Variants in KCNJ18 observed in about 807,000 individuals in gnomAD.
The protein encoded by KCNJ18 is inward rectifier potassium channel 18.
Under a neutral mutation model 17.3 loss-of-function variants are expected in KCNJ18, and 16 were observed. The ratio of observed to expected loss-of-function variants is 0.92; its 90% CI spans 0.62 to 1.40. The LOEUF (loss-of-function observed/expected upper bound fraction) is 1.40. Ranked by LOEUF, KCNJ18 falls within the 40% of genes most tolerant of loss-of-function variation. The pLI is 0.00. For missense variants in KCNJ18, 462 were observed against 626.8 expected (o/e 0.74, Z 2.81); for synonymous variants, 185 against 262.6 (o/e 0.70, Z 2.86).
At chr17:21,693,620 G>T (rs1382621418) in intron 1 of KCNJ18, among the ~76,000 whole-genome samples, 1 of 152,312 alleles carries the variant, frequency 6.6e-6, no homozygotes, top group Non-Finnish European at 1.5e-5. Context: ...CTCCTCCAAG[G>T]CAGGGCTGTG....
chr17:21,697,922 C>T (rs1476309762), intron 2 of KCNJ18, among the ~76,000 whole-genome samples: 211 of 152,056 alleles, frequency 1.4e-3, no homozygotes, highest in African/African-American at 4.9e-3. Flanking sequence ...CTGGAGCAGG[C>T]ACCTTGGGCG....
In KCNJ18 at chr17:21,704,105, A is replaced by C; in HGVS notation, c.*17A>C. 6.5e-7 allele frequency: 1 copy of C among 1,529,912 alleles called. No individual in the cohort carries two copies. Among genetic ancestry groups the C allele is most frequent in the Non-Finnish European group, 8.8e-7 (1 of 1,139,376 alleles). The allele number at this position is 1,529,912 out of a possible 1,614,324, so 94.8% of individuals were successfully genotyped here. A position where few individuals can be genotyped will look rare whatever the true frequency, so the allele number is the denominator to read the frequency against. ...GAGATCTGAGCCAACCTTGGCCGAC[A>C]TGCAGCATCCACCCCTGGCCGGGGA... On this transcript the variant is annotated 3_prime_UTR_variant, in exon 3 of 3. Coordinates refer to ENST00000567955, the MANE Select transcript of KCNJ18 (RefSeq NM_001194958.2).
At position 21,704,346 on chromosome 17, in the gene KCNJ18, G is replaced by T. The variant is rs1906094328; in HGVS notation, c.*258G>T. On this transcript the variant is annotated 3_prime_UTR_variant, in exon 3 of 3. Coordinates refer to ENST00000567955, the MANE Select transcript of KCNJ18 (RefSeq NM_001194958.2). ...GCCTCCTGGGGGGCCAGGCCACGGG[G>T]GCCAGGGCTTCTGCCTGAAGATGGA... is the stretch of plus-strand genomic sequence containing the variant. 4.2e-6 allele frequency: 2 copies of T among 473,402 alleles called. No homozygotes were observed. The highest frequency in any genetic ancestry group is 7.5e-6 in the Non-Finnish European group (2 of 268,198). The allele number at this position is 473,402 out of a possible 1,614,324, so 29.3% of individuals were successfully genotyped here.
In KCNJ18 at chr17:21,704,126, G is replaced by A. The variant is rs1257024638; in HGVS notation, c.*38G>A. 67 of 1,491,934 alleles carry A rather than the reference G, an allele frequency of 4.5e-5. No individual in the cohort carries two copies. The highest frequency in any genetic ancestry group is 5.6e-5 in the African/African-American group (4 of 71,426). The allele number at this position is 1,491,934 out of a possible 1,614,324, so 92.4% of individuals were successfully genotyped here. On this transcript the variant is annotated 3_prime_UTR_variant, in exon 3 of 3. Coordinates refer to ENST00000567955, the MANE Select transcript of KCNJ18 (RefSeq NM_001194958.2). ...CGACATGCAGCATCCACCCCTGGCC[G>A]GGGAGAGGCCCCGCGGTCGCTCAGG... is the stretch of plus-strand genomic sequence containing the variant.
In KCNJ18 at chr17:21,702,718, C is replaced by G. The variant is rs1468990774; in HGVS notation, c.-56-13C>G. ...CACCAGCCCAGCCAGACATGCTGTCCTCTCTGTTCCAGGAGCCGCCCTGCC... is the reference window on the plus strand; with the variant it reads ...CACCAGCCCAGCCAGACATGCTGTCGTCTCTGTTCCAGGAGCCGCCCTGCC... On this transcript the variant is annotated splice_polypyrimidine_tract_variant and intron_variant, in intron 2 of 2. Transcript: ENST00000567955. The G allele has an allele frequency of 0.011, 16,729 of 1,506,030 alleles. 113 individuals are homozygous for G. Among genetic ancestry groups the G allele is most frequent in the Non-Finnish European group, 0.013 (14,563 of 1,120,624 alleles). 93.3% of individuals were successfully genotyped at this position (1,506,030 alleles called of 1,614,324 possible).
chr17:21,703,168 C>T lies in KCNJ18; in HGVS notation c.382C>T (p.His128Tyr). Residue 128 changes from histidine to tyrosine, a missense_variant, in exon 3 of 3, where the codon CAC (histidine) becomes TAC (tyrosine). Transcript: ENST00000567955. ...HGRTPCVMQV[H>Y]GFMAAFLFSI... Reference sequence around the variant, plus strand: ...CCGCACACCCTGTGTGATGCAGGTGCACGGCTTCATGGCGGCCTTCCTCTT... The same window carrying T: ...CCGCACACCCTGTGTGATGCAGGTGTACGGCTTCATGGCGGCCTTCCTCTT... 1.9e-6 allele frequency: 3 copies of T among 1,610,376 alleles called. No individual in the cohort carries two copies. The South Asian group carries it at 3.3e-5, about 18-fold the overall frequency.
chr17:21,704,537 A>AAT lies in KCNJ18; in HGVS notation c.*450_*451insTA, dbSNP rs1555596866. 3.2e-3 allele frequency: 521 copies of AAT among 161,706 alleles called. 1 individual carries two copies. Among genetic ancestry groups the AAT allele is most frequent in the East Asian group, 4.0e-3 (21 of 5,260 alleles). 10.0% of individuals were successfully genotyped at this position (161,706 alleles called of 1,614,324 possible). On this transcript the variant is annotated 3_prime_UTR_variant, in exon 3 of 3. Coordinates refer to ENST00000567955, the MANE Select transcript of KCNJ18 (RefSeq NM_001194958.2). ...TGAGACTGTTTACAAAAAAAAAAAAAACCATGCAATTGGAGAAAAAAATTT... is the reference window on the plus strand; with the variant it reads ...TGAGACTGTTTACAAAAAAAAAAAAAATACCATGCAATTGGAGAAAAAAATTT...
chr17:21,701,934 A>G (rs1275848770), intron 2 of KCNJ18, among the ~76,000 whole-genome samples: 44 of 152,110 alleles, frequency 2.9e-4, no homozygotes, highest in Middle Eastern at 3.4e-3. Flanking sequence ...AAAAGAAAAA[A>G]GAAAAGAAAA....
intron 1 of KCNJ18, among the ~76,000 whole-genome samples, chr17:21,695,055 C>G (rs1299744200): frequency 6.6e-6 from 1 of 152,174 alleles, no homozygotes; most frequent in East Asian, 1.9e-4. Context: ...ATCCATCCAC[C>G]CATTCACCCA....
chr17:21,701,419 G>T (rs1179711918), intron 2 of KCNJ18, among the ~76,000 whole-genome samples: 1 of 152,294 alleles, frequency 6.6e-6, no homozygotes, highest in Admixed American at 6.5e-5. Flanking sequence ...GGAAGCAGGG[G>T]CTGGGGAGGG....
In KCNJ18 at chr17:21,704,071, C is replaced by T. The variant is rs1471388735; in HGVS notation, c.1285C>T (p.Arg429Trp). The T allele has an allele frequency of 1.5e-5, 24 of 1,558,986 alleles. No homozygotes were observed. The highest frequency in any genetic ancestry group is 1.1e-4 in the South Asian group (9 of 82,240). ...GGTCCTGGAGCAGCGGCCCTACAGA[C>T]GGGGGTCAGAGATCTGAGCCAACCT... is the stretch of plus-strand genomic sequence containing the variant. ...GGVLEQRPYR[R>W]GSEI is the part of the protein sequence containing the mutation. The change falls in exon 3 of 3, where the codon CGG becomes TGG. Residue 429 changes from arginine to tryptophan, a missense_variant. Physicochemically the swap from Arg to Trp is moderately radical, Grantham distance 101. Coordinates refer to ENST00000567955, the MANE Select transcript of KCNJ18 (RefSeq NM_001194958.2).
chr17:21,693,497 C>T (rs1161211348), intron 1 of KCNJ18, among the ~76,000 whole-genome samples: 2 of 152,306 alleles, frequency 1.3e-5, no homozygotes, highest in East Asian at 1.9e-4. Flanking sequence ...CCCCATGGCC[C>T]TGTGGCAATA....
At chr17:21,695,659 A>C (rs1486018000) in intron 1 of KCNJ18, among the ~76,000 whole-genome samples, 2 of 152,300 alleles carry the variant, frequency 1.3e-5, no homozygotes, top group East Asian at 1.9e-4. Context: ...AATAGTTCCA[A>C]CCTTGTGGAA....
chr17:21,693,112 C>A (rs1477551375), intron 1 of KCNJ18, among the ~76,000 whole-genome samples: 3 of 152,312 alleles, frequency 2.0e-5, no homozygotes, highest in Admixed American at 6.5e-5. Flanking sequence ...GGATTGTGAC[C>A]ATAACCCCGG....
At chr17:21,696,585 C>T (rs1905765807) in intron 2 of KCNJ18, among the ~76,000 whole-genome samples, 2 of 152,250 alleles carry the variant, frequency 1.3e-5, no homozygotes, top group Non-Finnish European at 2.9e-5. Context: ...CCTCTCTAGA[C>T]CTCTGAGCTT....
Position 21,703,191 on chromosome 17 carries a change from C to T in KCNJ18, c.405C>T (p.Leu135=). The change falls in exon 3 of 3, where the codon CTC becomes CTT. Residue 135 remains leucine, a synonymous_variant. Transcript: ENST00000567955. ...TGCACGGCTTCATGGCGGCCTTCCT[C>T]TTCTCCATCGAGACGCAGACCACCA... ...MQVHGFMAAF[L]FSIETQTTIG... The T allele has an allele frequency of 6.2e-7, 1 of 1,609,624 alleles. No homozygotes were observed. Among genetic ancestry groups the T allele is most frequent in the Non-Finnish European group, 8.5e-7 (1 of 1,178,802 alleles).
At position 21,695,291 on chromosome 17, in the gene KCNJ18, C is replaced by T. The variant is rs1248661184; in HGVS notation, c.-178-692C>T. Among the ~76,000 whole-genome samples the T allele has an allele frequency of 1.3e-5, 2 of 152,132 alleles. 1 individual carries two copies. Among genetic ancestry groups the T allele is most frequent in the Non-Finnish European group, 2.9e-5 (2 of 68,020 alleles). On this transcript the variant is annotated intron_variant, in intron 1 of 2. Transcript: ENST00000567955. ...TTCATCCACTCATCCATCCTTCCTC[C>T]ATACAGCCATCCACCCTCACACCCA...
Position 21,703,887 on chromosome 17 carries a change from C to A in KCNJ18, c.1101C>A (p.Phe367Leu). Residue 367 changes from phenylalanine (F) to leucine (L), a missense_variant, in exon 3 of 3, where the codon TTC becomes TTA. Phe to Leu is a conservative substitution (Grantham distance 22, BLOSUM62 0). This residue lies in a region of KCNJ18 where 123 missense variants were observed against 117.5 expected (regional missense o/e 1.05). Transcript: ENST00000567955. ...CSAKDLVENK[F>L]LLPSANSFCY... is the part of the protein sequence containing the mutation. ...CGAAGGATCTGGTAGAGAACAAGTT[C>A]CTGCTGCCCAGTGCCAACTCCTTCT... 6.2e-7 allele frequency: 1 copy of A among 1,612,826 alleles called. No individual in the cohort carries two copies. The highest frequency in any genetic ancestry group is 8.5e-7 in the Non-Finnish European group (1 of 1,180,026).
chr17:21,692,960 G>T (rs1329949536), intron 1 of KCNJ18, among the ~76,000 whole-genome samples: 2 of 152,308 alleles, frequency 1.3e-5, no homozygotes, highest in Admixed American at 6.5e-5. Flanking sequence ...GAAGTGCCTT[G>T]CCCTGTTCCG....
Sources: allele counts gnomAD v4.1 joint callset (sites outside exome capture counted in the v4.1 genomes callset), GRCh38; gene constraint gnomAD v4.1.1; regional missense constraint gnomAD v4.1.1; transcripts MANE v1.5; gene names NCBI Gene and HGNC (gene_info 2026-07-23, HGNC 2026-07-21).